Variants in BCKDHB observed in about 807,000 individuals in gnomAD.
BCKDHB encodes the protein branched chain keto acid dehydrogenase E1 subunit beta, also known as 2-oxoisovalerate dehydrogenase subunit beta, mitochondrial.
In BCKDHB, 41 loss-of-function variants were observed where a neutral mutation model predicts 48.5. That is an observed-to-expected ratio of 0.85 (90% CI 0.66 to 1.10). The LOEUF (loss-of-function observed/expected upper bound fraction) is 1.10. Among genes scored for constraint, BCKDHB ranks in the 50% least tolerant of loss-of-function variants. The pLI, the probability that BCKDHB is intolerant of heterozygous loss-of-function variation, is 0.00. For synonymous variants in BCKDHB, 201 were observed against 174.8 expected (o/e 1.15, Z -1.18); for missense variants, 496 against 494.2 (o/e 1.00, Z -0.03).
chr6:80,193,258 T>G (rs1019388797), intron 6 of BCKDHB, among the ~76,000 whole-genome samples: 1 of 152,220 alleles, frequency 6.6e-6, no homozygotes, highest in Non-Finnish European at 1.5e-5. Flanking sequence ...GTCCAAGACT[T>G]TCTGTTTCAA....
rs1262097851 is a variant in BCKDHB, at chr6:80,106,809, C to T, written c.116C>T (p.Ala39Val). The change falls in exon 1 of 10, where the codon GCC becomes GTC. Residue 39 changes from alanine (A) to valine (V), a missense_variant. Transcript: ENST00000320393. Reference protein sequence around the residue: ...AGLARGFLHPAATVEDAAQRR... With the variant: ...AGLARGFLHPVATVEDAAQRR... ...CTGGCGCGGGGCTTTTTGCACCCCG[C>T]CGCGACTGTCGAGGATGCGGCCCAG... The T allele has an allele frequency of 6.2e-7, 1 of 1,606,552 alleles. No individual in the cohort carries two copies. Among genetic ancestry groups the T allele is most frequent in the Non-Finnish European group, 8.5e-7 (1 of 1,177,326 alleles).
At chr6:80,118,125 T>A (rs999566532) in intron 1 of BCKDHB, among the ~76,000 whole-genome samples, 3 of 152,128 alleles carry the variant, frequency 2.0e-5, no homozygotes, top group Non-Finnish European at 2.9e-5. Context: ...CAATATATAC[T>A]TGAAGAATAT....
At chr6:80,141,830 C>T (rs1771230047) in intron 3 of BCKDHB, among the ~76,000 whole-genome samples, 1 of 152,038 alleles carries the variant, frequency 6.6e-6, no homozygotes, top group South Asian at 2.1e-4. Context: ...TCAAATATGA[C>T]ATCCACATCC....
At chr6:80,247,351 G>T (rs954395973) in intron 8 of BCKDHB, among the ~76,000 whole-genome samples, 1 of 152,188 alleles carries the variant, frequency 6.6e-6, no homozygotes, top group Non-Finnish European at 1.5e-5. Flanking sequence ...ATATTATCCT[G>T]TTAAATCTTA....
the BCKDHB span, chr6:80,462,881 A>T: frequency 6.6e-6 from 1 of 152,186 alleles, no homozygotes; most frequent in Non-Finnish European, 1.5e-5. Context: ...GTTCTGCCGG[A>T]GGCCTCTCCA....
At chr6:80,150,837 G>C (rs1008408014) in intron 3 of BCKDHB, among the ~76,000 whole-genome samples, 1 of 152,052 alleles carries the variant, frequency 6.6e-6, no homozygotes, top group African/African-American at 2.4e-5. Flanking sequence ...GATTACAGGC[G>C]TGAGCCACCA....
At chr6:80,148,118 ATTTAGATTTCT>A (rs1771577104) in intron 3 of BCKDHB, among the ~76,000 whole-genome samples, 1 of 152,148 alleles carries the variant, frequency 6.6e-6, no homozygotes, top group Admixed American at 6.6e-5. Flanking sequence ...TGTAGAATAC[ATTTAGATTTCT>A]TTAGTTCTGA....
chr6:80,223,427 A>G (rs1639613936), intron 8 of BCKDHB, among the ~76,000 whole-genome samples: 2 of 152,200 alleles, frequency 1.3e-5, no homozygotes, highest in South Asian at 4.2e-4. Flanking sequence ...TCATTAAGTC[A>G]TCTTCTGTTA....
chr6:80,238,254 C>T (rs1776228153), intron 8 of BCKDHB, among the ~76,000 whole-genome samples: 4 of 152,176 alleles, frequency 2.6e-5, no homozygotes, highest in Non-Finnish European at 5.9e-5. Flanking sequence ...CATGCCACCA[C>T]ACCCGGCTAG....
At position 80,167,680 on chromosome 6, in the gene BCKDHB, A is replaced by G. The variant is rs781586403; in HGVS notation, c.346A>G (p.Lys116Glu). The change falls in exon 4 of 10, where the codon AAA (lysine) becomes GAA (glutamate). Residue 116 changes from lysine to glutamate, a missense_variant and splice_region_variant. Transcript: ENST00000320393. Reference protein sequence around the residue: ...CTVGLRDKYGKDRVFNTPLCE... With the variant: ...CTVGLRDKYGEDRVFNTPLCE... The stretch of plus-strand genomic sequence containing the variant: ...CTTTTTTTCTTTTCTATTTTAAGGA[A>G]AAGATAGAGTTTTTAATACCCCATT... The G allele has an allele frequency of 3.7e-6, 6 of 1,607,686 alleles. No homozygotes were observed. The Admixed American group carries it at 8.3e-5, about 22-fold the overall frequency.
intron 5 of BCKDHB, 51 bp downstream of exon 5, chr6:80,169,081 G>A: frequency 6.3e-7 from 1 of 1,587,986 alleles, no homozygotes; most frequent in Non-Finnish European, 8.6e-7. Context: ...TTTCCATTTT[G>A]ATTCATTCTA....
rs1245658817 is a variant in BCKDHB, at chr6:80,273,350, T to C, written c.1038+129T>C. 5 of 748,140 alleles carry C rather than the reference T, an allele frequency of 6.7e-6. No homozygotes were observed. The Admixed American group carries it at 1.2e-4, about 19-fold the overall frequency. The allele number at this position is 748,140 out of a possible 1,614,324, so 46.3% of individuals were successfully genotyped here. A position where few individuals can be genotyped will look rare whatever the true frequency, so the allele number is the denominator to read the frequency against. Reference sequence around the variant, plus strand: ...TGGAAATGTAGTGCATGCTTTCATATACTGTGATAAGTAAATTTTTTTTCA... The same window carrying C: ...TGGAAATGTAGTGCATGCTTTCATACACTGTGATAAGTAAATTTTTTTTCA... On this transcript the variant is annotated intron_variant, in intron 9 of 9. Coordinates refer to ENST00000320393, the MANE Select transcript of BCKDHB (RefSeq NM_183050.4).
chr6:80,392,381 T>A, the BCKDHB span, among the ~76,000 whole-genome samples: 1 of 151,248 alleles, frequency 6.6e-6, no homozygotes, highest in African/African-American at 2.5e-5. Flanking sequence ...TTATTTATTT[T>A]GAACTTTCCT....
intron 8 of BCKDHB, among the ~76,000 whole-genome samples, chr6:80,208,345 T>C (rs992001849): frequency 6.6e-6 from 1 of 151,686 alleles, no homozygotes; most frequent in Non-Finnish European, 1.5e-5. Flanking sequence ...CAGAGGAAAC[T>C]TTATAGCTGT....
chr6:80,124,338 G>A (rs1175872867), intron 1 of BCKDHB, among the ~76,000 whole-genome samples: 1 of 152,212 alleles, frequency 6.6e-6, no homozygotes, highest in Non-Finnish European at 1.5e-5. Context: ...TAGAATAAGT[G>A]TGATGTAGTG....
intron 8 of BCKDHB, among the ~76,000 whole-genome samples, chr6:80,216,120 C>T (rs1775160994): frequency 6.6e-6 from 1 of 152,160 alleles, no homozygotes; most frequent in Non-Finnish European, 1.5e-5. Context: ...ATGCATGTTT[C>T]CTTTTGTATT....
chr6:80,116,915 T>C (rs1316790113), intron 1 of BCKDHB, among the ~76,000 whole-genome samples: 1 of 152,194 alleles, frequency 6.6e-6, no homozygotes, highest in Non-Finnish European at 1.5e-5. Flanking sequence ...TATAAGTAGG[T>C]TTATCTTACT....
At chr6:80,353,856 A>T in the BCKDHB span, among the ~76,000 whole-genome samples, 2 of 147,110 alleles carry the variant, frequency 1.4e-5, no homozygotes, top group African/African-American at 5.2e-5. Flanking sequence ...CCGTCTCAAA[A>T]AAAAAATAAA....
chr6:80,207,942 A>G (rs535388367), intron 8 of BCKDHB, among the ~76,000 whole-genome samples: 1 of 151,988 alleles, frequency 6.6e-6, no homozygotes, highest in South Asian at 2.1e-4. Context: ...ATCCCTCTTA[A>G]ATCTTGCTTA....
Sources: allele counts gnomAD v4.1 joint callset (sites outside exome capture counted in the v4.1 genomes callset), GRCh38; gene constraint gnomAD v4.1.1; transcripts MANE v1.5; gene names NCBI Gene and HGNC (gene_info 2026-07-23, HGNC 2026-07-21).